The following ZNF708 variants were observed in gnomAD, a reference collection of about 807,000 sequenced individuals.
The protein encoded by ZNF708 is zinc finger protein 708, also known as ZNF15, ZNF15L1.
A neutral mutation model predicts 47.0 loss-of-function variants in ZNF708; 44 were observed. That is an observed-to-expected ratio of 0.94 (90% CI 0.74 to 1.20). ZNF708 has a LOEUF of 1.20. Among genes scored for constraint, ZNF708 ranks in the 50% most tolerant of loss-of-function variants. ZNF708 has a pLI of 0.00. For synonymous variants in ZNF708, 184 were observed against 218.5 expected, an observed-to-expected ratio of 0.84 and a Z score of 1.39; for missense variants, 557 against 656.0, an observed-to-expected ratio of 0.85 and a Z score of 1.65.
intron 1 of ZNF708, among the ~76,000 whole-genome samples, chr19:21,317,077 G>A (rs572411049): frequency 1.1e-4 from 17 of 151,096 alleles, no homozygotes; most frequent in African/African-American, 2.4e-4. Flanking sequence ...GTGAGCCACC[G>A]TGCTCAGCCT....
At chr19:21,303,209 G>A (rs1028683989) in intron 3 of ZNF708, among the ~76,000 whole-genome samples, 3 of 152,144 alleles carry the variant, frequency 2.0e-5, no homozygotes, top group African/African-American at 7.2e-5. Flanking sequence ...CCATGATCAT[G>A]CCACTGAAAA....
chr19:21,292,004 A>G lies in ZNF708; in HGVS notation c.*1270T>C, dbSNP rs1972404299. ...ATCATTTTTAACAGTCAGCACTTTG[A>G]TATAGTGTAATGTCTGAAGCATCCA... On this transcript the variant is annotated 3_prime_UTR_variant, in exon 4 of 4. Transcript: ENST00000356929. 2 of 152,118 alleles carry G rather than the reference A, an allele frequency of 1.3e-5. No homozygotes were observed. Among genetic ancestry groups the G allele is most frequent in the African/African-American group, 2.4e-5 (1 of 41,428 alleles). 9.4% of individuals were successfully genotyped at this position (152,118 alleles called of 1,614,324 possible).
chr19:21,294,499 T>C lies in ZNF708; in HGVS notation c.467A>G (p.Lys156Arg). 2 of 1,614,180 alleles carry C rather than the reference T, an allele frequency of 1.2e-6. No homozygotes were observed. Among genetic ancestry groups the C allele is most frequent in the Non-Finnish European group, 1.7e-6 (2 of 1,180,004 alleles). Reference protein sequence around the residue: ...VKVFHKYSNAKRHKIRHTGKN... With the variant: ...VKVFHKYSNARRHKIRHTGKN... ...TCCAGTATGTCTTATCTTATGTCTC[T>C]TTGCATTTGAATATTTATGAAAGAC... The change falls in exon 4 of 4, where the codon AAG becomes AGG. Residue 156 changes from lysine to arginine, a missense_variant. Physicochemically the swap from Lys to Arg is conservative, Grantham distance 26. Transcript: ENST00000356929.
chr19:21,322,112 T>A (rs1366752957), intron 1 of ZNF708, among the ~76,000 whole-genome samples: 1 of 151,920 alleles, frequency 6.6e-6, no homozygotes, highest in Non-Finnish European at 1.5e-5. Context: ...TGTTTGTGAG[T>A]TTGTAGCAAG....
rs586144 is a variant in ZNF708 at position 21,305,683 on chromosome 19, T to A, written c.226+3563A>T. The stretch of plus-strand genomic sequence containing the variant: ...TCACCATGTTCTCCAGGATGGTCTC[T>A]AACTCCTGACCTCATGATCTGCCCG... On this transcript the variant is annotated intron_variant, in intron 3 of 3. Transcript: ENST00000356929. Among the ~76,000 whole-genome samples, 4 of 151,998 alleles carry A rather than the reference T, an allele frequency of 2.6e-5. 1 individual carries two copies. In the South Asian group the frequency reaches 6.2e-4, roughly 24 times the overall value.
chr19:21,320,042 A>G (rs2997214), intron 1 of ZNF708, among the ~76,000 whole-genome samples: 16 of 152,212 alleles, frequency 1.1e-4, no homozygotes, highest in African/African-American at 3.6e-4. Context: ...CAGGTGTGGT[A>G]GCGGGCACCT....
At chr19:21,306,928 C>T (rs1237026902) in intron 3 of ZNF708, 5 of 150,438 alleles carry the variant, frequency 3.3e-5, no homozygotes, top group Non-Finnish European at 5.9e-5. Context: ...TGGGCAATAA[C>T]AGCAAAACTC....
rs761538889 is a variant in ZNF708 at position 21,310,574 on chromosome 19, C to G, written c.57G>C (p.Gln19His). ...VAIEFSLEEW[Q>H]CLDTAQQNLY... is the part of the protein sequence containing the mutation. ...AATTCTGCTGTGCTGTGTCCAGGCA[C>G]TGCCACTCCTCCAGAGAGAATTCTA... Residue 19 changes from glutamine (Q) to histidine (H), a missense_variant, in exon 2 of 4, where the codon CAG (glutamine) becomes CAC (histidine). Gln to His is a conservative substitution (Grantham distance 24). Coordinates refer to ENST00000356929, the MANE Select transcript of ZNF708 (RefSeq NM_021269.3). 5.9e-6 allele frequency: 9 copies of G among 1,529,752 alleles called. No homozygotes were observed. The Admixed American group carries it at 1.3e-4, about 22-fold the overall frequency. The allele number at this position is 1,529,752 out of a possible 1,614,324, so 94.8% of individuals were successfully genotyped here. A position where few individuals can be genotyped will look rare whatever the true frequency, so the allele number is the denominator to read the frequency against.
At chr19:21,309,621 T>C (rs1972856094) in intron 2 of ZNF708, among the ~76,000 whole-genome samples, 1 of 151,942 alleles carries the variant, frequency 6.6e-6, no homozygotes, top group South Asian at 2.1e-4. Context: ...GGCAGGAGAA[T>C]CACTAGAACC....
At chr19:21,325,853 C>A (rs1199651590) in intron 1 of ZNF708, among the ~76,000 whole-genome samples, 4 of 152,042 alleles carry the variant, frequency 2.6e-5, no homozygotes, top group Non-Finnish European at 4.4e-5. Flanking sequence ...CTACAACAAA[C>A]CCAAACAAAT....
chr19:21,320,991 A>C (rs1358440427), intron 1 of ZNF708, among the ~76,000 whole-genome samples: 2 of 151,858 alleles, frequency 1.3e-5, no homozygotes, highest in African/African-American at 4.8e-5. Flanking sequence ...AATACAAAAA[A>C]TTAGCTGGGC....
Position 21,329,298 on chromosome 19 carries a change from G to A in ZNF708, c.-86C>T. The A allele has an allele frequency of 6.3e-7, 1 of 1,581,660 alleles. No homozygotes were observed. Among genetic ancestry groups the A allele is most frequent in the Admixed American group, 1.7e-5 (1 of 59,452 alleles). ...CAGAGCCACAGAGTCTGGGCCTCTA[G>A]GAGCAGAGGACAAACAGCAGTGAAG... On this transcript the variant is annotated 5_prime_UTR_variant, in exon 1 of 4. Transcript: ENST00000356929.
At chr19:21,312,926 G>A (rs1427438861) in intron 1 of ZNF708, among the ~76,000 whole-genome samples, 1 of 148,740 alleles carries the variant, frequency 6.7e-6, no homozygotes, top group Non-Finnish European at 1.5e-5. Flanking sequence ...AGCAATGTCT[G>A]AATAAGTCTG....
intron 3 of ZNF708, among the ~76,000 whole-genome samples, chr19:21,300,546 G>A (rs200834766): frequency 1.3e-5 from 2 of 151,032 alleles, no homozygotes; most frequent in Admixed American, 1.3e-4. Context: ...ATTTACACAA[G>A]CAAACAGAGA....
chr19:21,292,664 G>A lies in ZNF708; in HGVS notation c.*610C>T, dbSNP rs1459327664. ...TGTCTTCAAAATAAATACTTTAAAAGCTTATATTTTCTGAAATACTTTTTG... is the reference window on the plus strand; with the variant it reads ...TGTCTTCAAAATAAATACTTTAAAAACTTATATTTTCTGAAATACTTTTTG... On this transcript the variant is annotated 3_prime_UTR_variant, in exon 4 of 4. Coordinates refer to ENST00000356929, the MANE Select transcript of ZNF708 (RefSeq NM_021269.3). 6.6e-6 allele frequency: 1 copy of A among 152,412 alleles called. No individual in the cohort carries two copies. Among genetic ancestry groups the A allele is most frequent in the Non-Finnish European group, 1.5e-5 (1 of 68,378 alleles). 9.4% of individuals were successfully genotyped at this position (152,412 alleles called of 1,614,324 possible). A position where few individuals can be genotyped will look rare whatever the true frequency, so the allele number is the denominator to read the frequency against.
chr19:21,318,809 T>C (rs754648436), intron 1 of ZNF708: 3 of 151,930 alleles, frequency 2.0e-5, no homozygotes, highest in Non-Finnish European at 4.4e-5. Flanking sequence ...GGTTTTTGGG[T>C]GACCACATCA....
Position 21,293,582 on chromosome 19 carries a change from T to G in ZNF708, c.1384A>C (p.Asn462His). Residue 462 changes from asparagine to histidine, a missense_variant, in exon 4 of 4, where the codon AAT (asparagine) becomes CAT (histidine). Physicochemically the swap from Asn to His is moderately conservative, Grantham distance 68. Coordinates refer to ENST00000356929, the MANE Select transcript of ZNF708 (RefSeq NM_021269.3). ...TGAATTTTTTTATGATTAGTAAAAT[T>G]TGAGGAGTAGTTAAAAGTTTTGCCA... ...ECGKTFNYSS[N>H]FTNHKKIHTG... is the part of the protein sequence containing the mutation. 1 of 1,612,760 alleles carries G rather than the reference T, an allele frequency of 6.2e-7. No individual in the cohort carries two copies. The highest frequency in any genetic ancestry group is 1.3e-5 in the African/African-American group (1 of 74,884).
At chr19:21,307,138 T>TAA (rs1373799205) in intron 3 of ZNF708, among the ~76,000 whole-genome samples, 1 of 130,310 alleles carries the variant, frequency 7.7e-6, no homozygotes, top group Non-Finnish European at 1.7e-5. Context: ...AAAAATAAAA[T>TAA]AAAATAAAAT....
chr19:21,299,251 G>A (rs1224552002), intron 3 of ZNF708, among the ~76,000 whole-genome samples: 1 of 151,988 alleles, frequency 6.6e-6, no homozygotes, highest in Non-Finnish European at 1.5e-5. Context: ...CTACTTGGGA[G>A]GCTAAGGCAG....
Sources: gnomAD v4.1 joint callset for allele counts (sites outside exome capture counted in the v4.1 genomes callset) on GRCh38, gnomAD v4.1.1 for gene constraint, MANE v1.5 for transcripts, NCBI Gene and HGNC (gene_info 2026-07-23, HGNC 2026-07-21) for gene names.